Variants in ZNF226 observed in about 807,000 individuals in gnomAD.
ZNF226 encodes Kruppel-associated box protein.
ZNF226 carries 6 observed loss-of-function variants against 11.4 expected under a neutral mutation model. That is an observed-to-expected ratio of 0.53 (90% CI 0.29 to 1.04). The LOEUF is 1.04. Among genes scored for constraint, ZNF226 ranks in the 50% least tolerant of loss-of-function variants. The pLI, the probability that ZNF226 is intolerant of heterozygous loss-of-function variation, is 0.08. For missense variants in ZNF226, 1,058 were observed against 956.5 expected (o/e 1.11, Z -1.40); for synonymous variants, 350 against 322.8 (o/e 1.08, Z -0.90).
the ZNF226 span, among the ~76,000 whole-genome samples, chr19:44,190,139 T>C: frequency 1.3e-5 from 2 of 152,200 alleles, 1 homozygote; most frequent in South Asian, 4.1e-4. Flanking sequence ...TCTATATAGT[T>C]ATCCTAATTT....
chr19:44,168,803 A>T (rs2122284280), intron 2 of ZNF226, among the ~76,000 whole-genome samples: 1 of 152,036 alleles, frequency 6.6e-6, no homozygotes, highest in East Asian at 1.9e-4. Context: ...TGCACTTAAT[A>T]CTTTGAGACT....
chr19:44,189,352 T>C, the ZNF226 span, among the ~76,000 whole-genome samples: 1 of 152,234 alleles, frequency 6.6e-6, no homozygotes, highest in Non-Finnish European at 1.5e-5. Context: ...GGGAATTAGG[T>C]GAGACCTAAT....
At chr19:44,165,301 TGGGGGCGTACTGGCTTCGG>T (rs1464213844) in intron 1 of ZNF226, 159 bp downstream of exon 1, 1 of 152,006 alleles carries the variant, frequency 6.6e-6, no homozygotes, top group Non-Finnish European at 1.5e-5. Flanking sequence ...TTGTTAGAAT[TGGGGGCGTACTGGCTTCGG>T]GCGGCTGGGG....
the ZNF226 span, among the ~76,000 whole-genome samples, chr19:44,185,604 T>G: frequency 9.9e-5 from 15 of 151,916 alleles, no homozygotes; most frequent in African/African-American, 1.7e-4. Flanking sequence ...TTATTTGGGG[T>G]TTTTTTGTTG....
chr19:44,172,230 C>G lies in ZNF226; in HGVS notation c.142+16C>G. 1.2e-6 allele frequency: 2 copies of G among 1,606,880 alleles called. No individual in the cohort carries two copies. The highest frequency in any genetic ancestry group is 1.3e-5 in the African/African-American group (1 of 74,788). ...CTGTCAGTGGGTGAGGACAGCCTCCCTCTGGAATATCTTTGTGCCCTTGGA... is the reference window on the plus strand; with the variant it reads ...CTGTCAGTGGGTGAGGACAGCCTCCGTCTGGAATATCTTTGTGCCCTTGGA... On this transcript the variant is annotated intron_variant, in intron 4 of 5. Coordinates refer to ENST00000337433, the MANE Select transcript of ZNF226 (RefSeq NM_001032373.2).
chr19:44,172,629 A>G (rs1970237295), intron 4 of ZNF226: 3 of 519,682 alleles, frequency 5.8e-6, no homozygotes, highest in Admixed American at 7.3e-5. Context: ...ATTTAAGGAA[A>G]ACAGACATTA....
chr19:44,177,780 C>A, downstream of ZNF226: 1 of 1,275,544 alleles, frequency 7.8e-7, no homozygotes, highest in Non-Finnish European at 1.1e-6. Context: ...GACAACAAAA[C>A]AATCTTTATG....
the ZNF226 span, among the ~76,000 whole-genome samples, chr19:44,197,069 G>A: frequency 5.3e-5 from 8 of 151,948 alleles, no homozygotes; most frequent in African/African-American, 1.9e-4. Flanking sequence ...ATATCCTTTT[G>A]TGTCTCTGTT....
rs1970168317 is a variant in ZNF226, at chr19:44,172,114, T to C, written c.42T>C (p.Ala14=). ...AAGCAGTGACCTTCAAGGACGTGGC[T>C]GTGGCCTTCACGGAGGAGGAATTGG... The part of the protein sequence containing the change: ...FKEAVTFKDV[A]VAFTEEELGL... Residue 14 remains alanine (A), a synonymous_variant, in exon 4 of 6, where the codon GCT becomes GCC. Transcript: ENST00000337433. 6.2e-7 allele frequency: 1 copy of C among 1,612,874 alleles called. No homozygotes were observed. The highest frequency in any genetic ancestry group is 8.5e-7 in the Non-Finnish European group (1 of 1,179,170).
the ZNF226 span, among the ~76,000 whole-genome samples, chr19:44,188,325 C>T: frequency 6.6e-6 from 1 of 152,204 alleles, no homozygotes; most frequent in South Asian, 2.1e-4. Context: ...TATATATTTA[C>T]GTAGCCCTCT....
Position 44,177,288 on chromosome 19 carries a change from T to A in ZNF226, c.2026T>A (p.Cys676Ser), listed in dbSNP as rs753086021. ...TGDKPYKCDE[C>S]GKGFKWSLNL... ...AGATAAGCCATACAAATGTGATGAG[T>A]GTGGGAAGGGCTTCAAGTGGAGCTT... is the stretch of plus-strand genomic sequence containing the variant. The change falls in exon 6 of 6, where the codon TGT (cysteine) becomes AGT (serine). Residue 676 changes from cysteine (C) to serine (S), a missense_variant. Cys to Ser is a moderately radical substitution (Grantham distance 112). Transcript: ENST00000337433. 3.7e-6 allele frequency: 6 copies of A among 1,613,956 alleles called. No homozygotes were observed. In the East Asian group the frequency reaches 1.3e-4, roughly 36 times the overall value.
chr19:44,177,899 A>G (rs1401420317), downstream of ZNF226: 4 of 447,834 alleles, frequency 8.9e-6, no homozygotes, highest in Middle Eastern at 6.0e-4. Flanking sequence ...TAAAAGTATC[A>G]TGGTGGACAT....
rs767706363 is a variant in ZNF226 at position 44,176,356 on chromosome 19, G to A, written c.1094G>A (p.Cys365Tyr). ...CACACGGCAGAGAAACCTTATAATTGTGAGGAGTGTGGGAGGGCCTTCAGT... is the reference window on the plus strand; with the variant it reads ...CACACGGCAGAGAAACCTTATAATTATGAGGAGTGTGGGAGGGCCTTCAGT... Reference protein sequence around the residue: ...KVHTAEKPYNCEECGRAFSQA... With the variant: ...KVHTAEKPYNYEECGRAFSQA... The change falls in exon 6 of 6, where the codon TGT (cysteine) becomes TAT (tyrosine). Residue 365 changes from cysteine to tyrosine, a missense_variant. Transcript: ENST00000337433. 3.7e-6 allele frequency: 6 copies of A among 1,614,032 alleles called. No homozygotes were observed. Among genetic ancestry groups the A allele is most frequent in the Non-Finnish European group, 8.5e-7 (1 of 1,180,002 alleles).
In ZNF226 at chr19:44,177,025, A is replaced by C; in HGVS notation, c.1763A>C (p.Lys588Thr). ...ATCCATACGGGTGAGAAACCATACAAATGTGAAGAGTGTGGCAAGGGATTT... is the reference window on the plus strand; with the variant it reads ...ATCCATACGGGTGAGAAACCATACACATGTGAAGAGTGTGGCAAGGGATTT... ...QLIHTGEKPY[K>T]CEECGKGFSR... The change falls in exon 6 of 6, where the codon AAA (lysine) becomes ACA (threonine). Residue 588 changes from lysine (K) to threonine (T), a missense_variant. Transcript: ENST00000337433. 1 of 1,614,040 alleles carries C rather than the reference A, an allele frequency of 6.2e-7. No individual in the cohort carries two copies. Among genetic ancestry groups the C allele is most frequent in the Non-Finnish European group, 8.5e-7 (1 of 1,179,966 alleles).
chr19:44,178,960 A>G (rs1970864035), downstream of ZNF226, among the ~76,000 whole-genome samples: 1 of 152,142 alleles, frequency 6.6e-6, no homozygotes, highest in Admixed American at 6.6e-5. Context: ...TGGGTGGATC[A>G]CCTAAGGTCA....
rs766070107 is a variant in ZNF226 at position 44,176,209 on chromosome 19, T to C, written c.947T>C (p.Phe316Ser). Residue 316 changes from phenylalanine (F) to serine (S), a missense_variant, in exon 6 of 6, where the codon TTC becomes TCC. Coordinates refer to ENST00000337433, the MANE Select transcript of ZNF226 (RefSeq NM_001032373.2). ...KLKCDECGKE[F>S]SQGAHLQTHQ... The stretch of plus-strand genomic sequence containing the variant: ...AAGTGTGATGAGTGTGGTAAGGAAT[T>C]CAGTCAGGGCGCTCATCTACAGACC... The C allele has an allele frequency of 6.2e-7, 1 of 1,613,948 alleles. No individual in the cohort carries two copies. Among genetic ancestry groups the C allele is most frequent in the South Asian group, 1.1e-5 (1 of 91,082 alleles).
rs775034786 is a variant in ZNF226, at chr19:44,177,537, A to G, written c.2275A>G (p.Ile759Val). 2 of 1,613,846 alleles carry G rather than the reference A, an allele frequency of 1.2e-6. No homozygotes were observed. Among genetic ancestry groups the G allele is most frequent in the South Asian group, 1.1e-5 (1 of 91,024 alleles). Residue 759 changes from isoleucine (I) to valine (V), a missense_variant, in exon 6 of 6, where the codon ATA (isoleucine) becomes GTA (valine). Ile to Val is a conservative substitution (Grantham distance 29, BLOSUM62 3). Transcript: ENST00000337433. Reference protein sequence around the residue: ...HTGEKPYKCEICGKSFSWRSN... With the variant: ...HTGEKPYKCEVCGKSFSWRSN... ...TGGGGAGAAACCTTATAAATGTGAG[A>G]TATGTGGTAAGAGCTTCAGTTGGCG...
intron 4 of ZNF226, 64 bp downstream of exon 4, chr19:44,172,278 G>T (rs1223794854): frequency 1.3e-6 from 2 of 1,549,322 alleles, no homozygotes; most frequent in Admixed American, 4.0e-5. Context: ...TGTGGCCCTT[G>T]AAATTGTTCC....
At chr19:44,192,067 AACAAGT>A in the ZNF226 span, among the ~76,000 whole-genome samples, 1 of 152,356 alleles carries the variant, frequency 6.6e-6, no homozygotes, top group South Asian at 2.1e-4. Context: ...TAAACAAGAA[AACAAGT>A]ACCTTGAGCA....
Sources: allele counts gnomAD v4.1 joint callset (sites outside exome capture counted in the v4.1 genomes callset), GRCh38; gene constraint gnomAD v4.1.1; transcripts MANE v1.5; gene names NCBI Gene and HGNC (gene_info 2026-07-23, HGNC 2026-07-21).